The following OARD1 variants were observed in gnomAD, a reference collection of about 807,000 sequenced individuals.
OARD1 encodes ADP-ribose glycohydrolase OARD1.
Under a neutral mutation model 19.7 loss-of-function variants are expected in OARD1, and 19 were observed. That is an observed-to-expected ratio of 0.96 (90% CI 0.67 to 1.41). The LOEUF (loss-of-function observed/expected upper bound fraction) is 1.41. OARD1 is among the 40% of genes most tolerant of loss of function. OARD1 has a pLI of 0.00. For missense variants in OARD1, 190 were observed against 183.8 expected, an observed-to-expected ratio of 1.03 and a Z score of -0.20; for synonymous variants, 70 against 61.8, an observed-to-expected ratio of 1.13 and a Z score of -0.62.
chr6:41,083,979 T>C, intron 1 of OARD1: 6 of 1,459,518 alleles, frequency 4.1e-6, no homozygotes, highest in Non-Finnish European at 5.5e-6. Flanking sequence ...GTTCCAGTGA[T>C]TGTCTTTTGG....
chr6:41,069,097 G>A, intron 4 of OARD1, 144 bp from the exon 5 acceptor site: 1 of 543,384 alleles, frequency 1.8e-6, no homozygotes, highest in Non-Finnish European at 3.2e-6. Context: ...ATGTCATATT[G>A]CCCTTTCCAC....
upstream of OARD1, among the ~76,000 whole-genome samples, chr6:41,074,665 G>A (rs934494178): frequency 3.3e-5 from 5 of 152,218 alleles, no homozygotes; most frequent in African/African-American, 7.2e-5. Flanking sequence ...GATAGTTTAG[G>A]GGGGAAAGCC....
At chr6:41,072,866 G>C (rs1176051680), upstream of OARD1, 3 of 153,208 alleles carry the variant, frequency 2.0e-5, no homozygotes, top group East Asian at 5.8e-4. Flanking sequence ...CTCCTCCGAA[G>C]GGGTGGGGCG....
intron 1 of OARD1, among the ~76,000 whole-genome samples, chr6:41,094,695 C>G (rs1169697744): frequency 6.6e-6 from 1 of 152,102 alleles, no homozygotes; most frequent in African/African-American, 2.4e-5. Context: ...TGCCTGTAAT[C>G]CCAACACTTT....
At chr6:41,081,543 A>G (rs1215663933) in intron 1 of OARD1, among the ~76,000 whole-genome samples, 2 of 152,168 alleles carry the variant, frequency 1.3e-5, no homozygotes, top group Admixed American at 1.3e-4. Flanking sequence ...AATTAATTGC[A>G]TGGTAAAAAT....
chr6:41,071,759 G>T, intron 1 of OARD1, 84 bp from the exon 2 acceptor site: 1 of 751,206 alleles, frequency 1.3e-6, no homozygotes. Flanking sequence ...CACTTAATAG[G>T]CTTTTTTCCC....
chr6:41,090,447 C>T (rs913016397), intron 1 of OARD1: 7 of 567,316 alleles, frequency 1.2e-5, no homozygotes, highest in African/African-American at 7.5e-5. Context: ...TTTCCTCTAG[C>T]TCTCCATTGA....
upstream of OARD1, among the ~76,000 whole-genome samples, chr6:41,077,542 GTAT>G (rs1423952513): frequency 2.6e-5 from 2 of 75,548 alleles, no homozygotes; most frequent in South Asian, 4.1e-4. Flanking sequence ...AGCCATAAAT[GTAT>G]TGTGTATTAG....
intron 3 of OARD1, 56 bp from the exon 4 acceptor site, chr6:41,070,190 T>C (rs1203102936): frequency 6.5e-6 from 6 of 921,798 alleles, no homozygotes; most frequent in Admixed American, 2.1e-5. Flanking sequence ...CACTGATCTC[T>C]AAAGATTTTA....
chr6:41,088,676 C>T (rs1764114718), intron 1 of OARD1, among the ~76,000 whole-genome samples: 1 of 151,792 alleles, frequency 6.6e-6, no homozygotes, highest in African/African-American at 2.4e-5. Context: ...CCTCTGCCTC[C>T]CAGGCTCAAA....
At chr6:41,094,027 AAATAAT>A (rs1348044167) in intron 1 of OARD1, among the ~76,000 whole-genome samples, 13 of 152,294 alleles carry the variant, frequency 8.5e-5, no homozygotes, top group Non-Finnish European at 2.9e-5. Context: ...TGTTTCTAGA[AAATAAT>A]AATAATAAAC....
At chr6:41,073,074 A>C (rs966335759), upstream of OARD1, 1 of 153,528 alleles carries the variant, frequency 6.5e-6, no homozygotes, top group Non-Finnish European at 1.5e-5. Context: ...GAACCGGGGG[A>C]GCGAGGCACG....
In OARD1 at chr6:41,094,703, T is replaced by C. The variant is rs1395027794; in HGVS notation, c.-42+3010A>G. ...TGGCTCATGCCTGTAATCCCAACACTTTGGGAGGCTGAGGTGGGAAGCCCA... is the reference window on the plus strand; with the variant it reads ...TGGCTCATGCCTGTAATCCCAACACCTTGGGAGGCTGAGGTGGGAAGCCCA... On this transcript the variant is annotated intron_variant, in intron 1 of 4. Transcript: ENST00000480585. 1.3e-5 allele frequency among the ~76,000 whole-genome samples: 2 copies of C among 152,022 alleles called. 1 individual carries two copies. The highest frequency in any genetic ancestry group is 4.8e-5 in the African/African-American group (2 of 41,380).
In OARD1 at chr6:41,067,322, A is replaced by G; in HGVS notation, c.*13T>C. On this transcript the variant is annotated 3_prime_UTR_variant, in exon 6 of 6. Transcript: ENST00000424266. ...CACAGGAGAACACGGAAACATCCAA[A>G]ATGTTCACTGGTTCAGAGTGTGTAC... The G allele has an allele frequency of 1.9e-6, 3 of 1,562,766 alleles. No homozygotes were observed. Among genetic ancestry groups the G allele is most frequent in the Non-Finnish European group, 2.6e-6 (3 of 1,134,460 alleles).
rs1364298041 is a variant in OARD1, at chr6:41,065,954, ACT to A, written c.*1379_*1380del. Reference sequence around the variant, plus strand: ...GTCTAGTTTCCCGAATAGCTCTGATACTGAACCATTGGCTAAATCCATGAACT... The same window carrying A: ...GTCTAGTTTCCCGAATAGCTCTGATAGAACCATTGGCTAAATCCATGAACT... On this transcript the variant is annotated 3_prime_UTR_variant, in exon 6 of 6. Transcript: ENST00000424266. 6.6e-6 allele frequency: 1 copy of A among 152,278 alleles called. No individual in the cohort carries two copies. The highest frequency in any genetic ancestry group is 1.5e-5 in the Non-Finnish European group (1 of 68,058). 9.4% of individuals were successfully genotyped at this position (152,278 alleles called of 1,614,324 possible).
chr6:41,089,890 C>T (rs1764155180), intron 1 of OARD1, among the ~76,000 whole-genome samples: 1 of 152,162 alleles, frequency 6.6e-6, no homozygotes, highest in African/African-American at 2.4e-5. Flanking sequence ...GAGGCCGAGG[C>T]AAGCTGATCA....
chr6:41,073,440 G>A (rs1763599442), upstream of OARD1, among the ~76,000 whole-genome samples: 1 of 151,998 alleles, frequency 6.6e-6, no homozygotes, highest in African/African-American at 2.4e-5. Context: ...CCTACACTAG[G>A]GGACACATGC....
At chr6:41,096,515 A>G (rs1404785803) in intron 1 of OARD1, among the ~76,000 whole-genome samples, 1 of 152,264 alleles carries the variant, frequency 6.6e-6, no homozygotes, top group African/African-American at 2.4e-5. Flanking sequence ...AGTAATCCAC[A>G]TTAGGCATCT....
chr6:41,071,604 C>T lies in OARD1; in HGVS notation c.31G>A (p.Gly11Arg), dbSNP rs752037663. ...CAATAGTTGTTACGCACTCTGCTTC[C>T]TTCTGGATCTTCATTAAGGCTGCTG... MASSLNEDPEGSRITYVKGDL... is the reference protein window; with the variant it reads MASSLNEDPERSRITYVKGDL... Residue 11 changes from glycine (G) to arginine (R), a missense_variant, in exon 2 of 6, where the codon GGA becomes AGA. Coordinates refer to ENST00000424266, the MANE Select transcript of OARD1 (RefSeq NM_001329686.2). The T allele has an allele frequency of 1.7e-5, 28 of 1,613,138 alleles. No homozygotes were observed. In the South Asian group the frequency reaches 3.1e-4, roughly 18 times the overall value.
Sources: allele counts gnomAD v4.1 joint callset (sites outside exome capture counted in the v4.1 genomes callset), GRCh38; gene constraint gnomAD v4.1.1; transcripts MANE v1.5; gene names NCBI Gene and HGNC (gene_info 2026-07-23, HGNC 2026-07-21).